Variants in TTC7A observed in about 807,000 individuals in gnomAD.
TTC7A encodes the protein tetratricopeptide repeat domain 7A.
A neutral mutation model predicts 103.7 loss-of-function variants in TTC7A; 110 were observed. The observed-to-expected ratio is 1.06, with a 90% CI of 0.91 to 1.24. The LOEUF is 1.24. Among genes scored for constraint, TTC7A ranks in the 50% most tolerant of loss-of-function variants. The probability of loss-of-function intolerance (pLI) is 0.00; values close to 1 mark genes in which losing one functional copy is unlikely to be tolerated. For missense variants in TTC7A, 1,340 were observed against 1,116.3 expected, an observed-to-expected ratio of 1.20 and a Z score of -2.86; for synonymous variants, 521 against 467.9, an observed-to-expected ratio of 1.11 and a Z score of -1.47.
intron 2 of TTC7A, chr2:46,917,323 C>A (rs1306241100): frequency 3.2e-6 from 2 of 634,366 alleles, no homozygotes; most frequent in African/African-American, 3.7e-5. Context: ...TTTGAGGAAA[C>A]CCTATTAATT....
At chr2:47,017,139 G>T (rs1283012348) in intron 11 of TTC7A, among the ~76,000 whole-genome samples, 1 of 144,726 alleles carries the variant, frequency 6.9e-6, no homozygotes, top group East Asian at 2.1e-4. Flanking sequence ...GTCGGAGGTT[G>T]CAGTGAGTCA....
intron 16 of TTC7A, chr2:47,046,811 G>C (rs562985986): frequency 4.0e-6 from 1 of 246,996 alleles, no homozygotes; most frequent in Non-Finnish European, 7.8e-6. Context: ...TTTATATATA[G>C]CTTACCAGAA....
chr2:46,993,440 C>T lies in TTC7A; in HGVS notation c.765-10C>T, dbSNP rs766628050. 2 of 1,613,960 alleles carry T rather than the reference C, an allele frequency of 1.2e-6. No individual in the cohort carries two copies. The highest frequency in any genetic ancestry group is 1.1e-5 in the South Asian group (1 of 91,086). ...TGGTAACAAATCTACTTCTGCCGTCCTCCCACCAGGAACATCGTGAAGGGC... is the reference window on the plus strand; with the variant it reads ...TGGTAACAAATCTACTTCTGCCGTCTTCCCACCAGGAACATCGTGAAGGGC... On this transcript the variant is annotated splice_polypyrimidine_tract_variant and intron_variant, in intron 5 of 19. Coordinates refer to ENST00000319190, the MANE Select transcript of TTC7A (RefSeq NM_020458.4).
At chr2:46,991,828 G>C (rs1220573401) in intron 5 of TTC7A, among the ~76,000 whole-genome samples, 1 of 152,118 alleles carries the variant, frequency 6.6e-6, no homozygotes. Context: ...CCACTCCCAA[G>C]TTTTCAGAGC....
At chr2:47,060,393 T>A (rs755554574) in intron 18 of TTC7A, among the ~76,000 whole-genome samples, 87 of 151,250 alleles carry the variant, frequency 5.8e-4, no homozygotes, top group Admixed American at 2.2e-3. Context: ...TAATTTTTTT[T>A]AAAAAAAAGG....
chr2:46,955,508 G>A (rs923798236), intron 2 of TTC7A, among the ~76,000 whole-genome samples: 1 of 152,204 alleles, frequency 6.6e-6, no homozygotes, highest in African/African-American at 2.4e-5. Context: ...TAGTCAAGGA[G>A]GCTTTCAGGA....
intron 8 of TTC7A, among the ~76,000 whole-genome samples, chr2:47,000,738 G>A (rs758770087): frequency 2.0e-5 from 3 of 152,170 alleles, no homozygotes; most frequent in Non-Finnish European, 2.9e-5. Context: ...GGGGCTGAGG[G>A]TGGCAGCAAC....
At chr2:47,009,301 T>G (rs985537452) in intron 10 of TTC7A, among the ~76,000 whole-genome samples, 1 of 152,106 alleles carries the variant, frequency 6.6e-6, no homozygotes, top group African/African-American at 2.4e-5. Flanking sequence ...TCCTACCCTC[T>G]TGTTTCCAGA....
intron 14 of TTC7A, among the ~76,000 whole-genome samples, chr2:47,025,870 C>A (rs1361808862): frequency 6.6e-6 from 1 of 152,234 alleles, no homozygotes; most frequent in African/African-American, 2.4e-5. Context: ...CCTCTGTGCC[C>A]CTCCAGGAGC....
chr2:46,942,457 G>A (rs957149853), intron 1 of TTC7A, among the ~76,000 whole-genome samples: 7 of 152,204 alleles, frequency 4.6e-5, no homozygotes, highest in Admixed American at 1.3e-4. Flanking sequence ...CTTTGTGGAA[G>A]GAGGCAGGGA....
intron 11 of TTC7A, among the ~76,000 whole-genome samples, chr2:47,014,611 AG>A (rs1678440792): frequency 6.6e-6 from 1 of 152,228 alleles, no homozygotes; most frequent in South Asian, 2.1e-4. Flanking sequence ...TCTGCCTGGC[AG>A]GCAGGGGGTG....
At chr2:46,970,745 G>C (rs1238952756) in intron 3 of TTC7A, among the ~76,000 whole-genome samples, 1 of 152,216 alleles carries the variant, frequency 6.6e-6, no homozygotes, top group East Asian at 1.9e-4. Context: ...TGAGCAACGA[G>C]GCCTGCCTCC....
intron 3 of TTC7A, among the ~76,000 whole-genome samples, chr2:46,957,212 G>A (rs1017185372): frequency 7.2e-5 from 11 of 152,172 alleles, no homozygotes; most frequent in African/African-American, 1.7e-4. Flanking sequence ...TCAGATTCTC[G>A]CCCTGGCTCT....
intron 17 of TTC7A, chr2:47,050,775 A>G (rs1682794129): frequency 6.6e-6 from 1 of 152,186 alleles, no homozygotes; most frequent in African/African-American, 2.4e-5. Context: ...TCTGTCTCCC[A>G]GGAGGGAATG....
chr2:47,012,706 G>T (rs1160560204), intron 11 of TTC7A, among the ~76,000 whole-genome samples: 2 of 152,132 alleles, frequency 1.3e-5, no homozygotes, highest in African/African-American at 2.4e-5. Context: ...CCATCCCTCT[G>T]CTGGGTCCCC....
chr2:46,958,625 C>T (rs1558508982), intron 3 of TTC7A: 2 of 1,094,940 alleles, frequency 1.8e-6, no homozygotes, highest in Non-Finnish European at 2.4e-6. Flanking sequence ...CCAGTGACTG[C>T]ACATGGCCTC....
chr2:47,045,428 G>C (rs973050783), intron 15 of TTC7A: 3 of 152,278 alleles, frequency 2.0e-5, no homozygotes, highest in African/African-American at 7.2e-5. Flanking sequence ...GAGGGAGCCA[G>C]CCATCCCCGC....
intron 3 of TTC7A, chr2:46,958,400 C>T (rs953487840): frequency 3.4e-5 from 33 of 981,018 alleles, no homozygotes; most frequent in African/African-American, 5.0e-5. Context: ...ACGCCCTGAG[C>T]GGAACCCCCT....
intron 18 of TTC7A, among the ~76,000 whole-genome samples, chr2:47,055,228 A>G (rs966039844): frequency 6.6e-6 from 1 of 152,212 alleles, no homozygotes; most frequent in Admixed American, 6.5e-5. Flanking sequence ...TCATTTTGGA[A>G]GGAGCTAATC....
Sources: allele counts gnomAD v4.1 joint callset (sites outside exome capture counted in the v4.1 genomes callset), GRCh38; gene constraint gnomAD v4.1.1; transcripts MANE v1.5; gene names NCBI Gene and HGNC (gene_info 2026-07-23, HGNC 2026-07-21).